The following ERC2 variants were observed in gnomAD, a reference collection of about 807,000 sequenced individuals.
ERC2 encodes the protein ELKS/RAB6-interacting/CAST family member 2, also known as ERC protein 2.
In ERC2, 42 loss-of-function variants were observed where a neutral mutation model predicts 114.8. The observed-to-expected ratio is 0.37, with a 90% CI of 0.29 to 0.47. The LOEUF (loss-of-function observed/expected upper bound fraction) is 0.47. Ranked by LOEUF, ERC2 falls within the 20% of genes least tolerant of loss-of-function variation. ERC2 has a pLI of 0.99. For synonymous variants in ERC2, 454 were observed against 425.5 expected, an observed-to-expected ratio of 1.07 and a Z score of -0.82; for missense variants, 939 against 1,150.7, an observed-to-expected ratio of 0.82 and a Z score of 2.66.
At chr3:55,592,463 C>T (rs1423537785) in intron 17 of ERC2, among the ~76,000 whole-genome samples, 1 of 152,082 alleles carries the variant, frequency 6.6e-6, no homozygotes, top group Non-Finnish European at 1.5e-5. Flanking sequence ...ATCGATTTCT[C>T]CATGCTGGTA....
At chr3:55,843,722 G>T (rs2061233850) in intron 14 of ERC2, among the ~76,000 whole-genome samples, 1 of 152,158 alleles carries the variant, frequency 6.6e-6, no homozygotes, top group Non-Finnish European at 1.5e-5. Flanking sequence ...TAATCCCACT[G>T]CAAAAATGTG....
intron 2 of ERC2, among the ~76,000 whole-genome samples, chr3:56,303,794 C>G (rs2056053427): frequency 6.6e-6 from 1 of 152,154 alleles, no homozygotes; most frequent in Non-Finnish European, 1.5e-5. Context: ...TCCTAAGTGC[C>G]CCCTGGCGCC....
At chr3:56,440,715 T>C (rs1330497509) in intron 1 of ERC2, among the ~76,000 whole-genome samples, 1 of 152,184 alleles carries the variant, frequency 6.6e-6, no homozygotes, top group African/African-American at 2.4e-5. Context: ...TGTGTGTGTG[T>C]GCAGTTTTAG....
chr3:56,452,065 T>C (rs1470180783), intron 1 of ERC2, among the ~76,000 whole-genome samples: 2 of 152,210 alleles, frequency 1.3e-5, no homozygotes, highest in African/African-American at 2.4e-5. Flanking sequence ...TTAAAGAATC[T>C]GCAAATCTCA....
Position 55,598,493 on chromosome 3 carries a change from C to T in ERC2, c.*39+85301G>A, listed in dbSNP as rs149773707. 1.5e-3 allele frequency among the ~76,000 whole-genome samples: 236 copies of T among 152,316 alleles called. 1 individual carries two copies. The highest frequency in any genetic ancestry group is 3.4e-3 in the Middle Eastern group (1 of 294). On this transcript the variant is annotated intron_variant, in intron 17 of 17. Coordinates refer to ENST00000288221, the MANE Select transcript of ERC2 (RefSeq NM_015576.3). ...CTCCATTAAAGCACTGAACATAGTA[C>T]ATGTGTCCCAATGAGCTCGATAAAT...
intron 14 of ERC2, among the ~76,000 whole-genome samples, chr3:55,761,756 G>T (rs952528418): frequency 3.3e-5 from 5 of 151,524 alleles, no homozygotes; most frequent in Admixed American, 2.6e-4. Flanking sequence ...GGCGCCTGTA[G>T]TCCCAGCTAC....
chr3:56,050,733 T>C (rs1469598119), intron 7 of ERC2, among the ~76,000 whole-genome samples: 2 of 152,200 alleles, frequency 1.3e-5, no homozygotes, highest in African/African-American at 4.8e-5. Flanking sequence ...GGTTATTAAC[T>C]CTGGAATCTT....
At chr3:56,310,948 G>A (rs769594014) in intron 2 of ERC2, among the ~76,000 whole-genome samples, 12 of 151,826 alleles carry the variant, frequency 7.9e-5, no homozygotes, top group Non-Finnish European at 1.8e-4. Context: ...GTTAGGGAAG[G>A]AAAGCACTCT....
chr3:56,212,476 T>C (rs956800378), intron 3 of ERC2, among the ~76,000 whole-genome samples: 1 of 152,112 alleles, frequency 6.6e-6, no homozygotes, highest in Non-Finnish European at 1.5e-5. Flanking sequence ...GTGGACGTGG[T>C]AAAAAAGGAA....
intron 1 of ERC2, among the ~76,000 whole-genome samples, chr3:56,437,233 T>C (rs1283535557): frequency 6.6e-6 from 1 of 152,202 alleles, no homozygotes; most frequent in African/African-American, 2.4e-5. Flanking sequence ...AAATATAAAA[T>C]AGAACCAAGT....
chr3:56,063,085 A>C (rs1450500872), intron 7 of ERC2, among the ~76,000 whole-genome samples: 1 of 152,226 alleles, frequency 6.6e-6, no homozygotes. Context: ...GTTTCAATGC[A>C]TTATGCTAAG....
intron 17 of ERC2, among the ~76,000 whole-genome samples, chr3:55,673,758 A>G (rs1461510813): frequency 6.6e-6 from 1 of 151,896 alleles, no homozygotes; most frequent in Non-Finnish European, 1.5e-5. Context: ...TCCGTTTACA[A>G]TCCAGTGCCG....
chr3:56,285,198 A>G (rs2054616191), intron 3 of ERC2, among the ~76,000 whole-genome samples: 1 of 148,846 alleles, frequency 6.7e-6, no homozygotes, highest in African/African-American at 2.5e-5. Flanking sequence ...GTCCTTCCTC[A>G]ATAAAACCAA....
intron 6 of ERC2, among the ~76,000 whole-genome samples, chr3:56,127,149 A>G (rs1205605649): frequency 1.3e-5 from 2 of 152,208 alleles, no homozygotes; most frequent in Non-Finnish European, 2.9e-5. Context: ...AAAAATATAA[A>G]ACATTGCTGA....
chr3:55,831,399 GAGGGGAGGGA>G (rs2060573181), intron 14 of ERC2, among the ~76,000 whole-genome samples: 1 of 82,618 alleles, frequency 1.2e-5, no homozygotes, highest in Non-Finnish European at 2.4e-5. Context: ...AAGGGGAGGG[GAGGGGAGGGA>G]AGGGGAGGGG....
intron 13 of ERC2, among the ~76,000 whole-genome samples, chr3:55,947,030 G>A (rs1456810488): frequency 6.6e-6 from 1 of 152,136 alleles, no homozygotes. Context: ...CAAGCCAATG[G>A]GCAACTCATG....
chr3:56,125,987 T>C (rs1380608603), intron 6 of ERC2, among the ~76,000 whole-genome samples: 1 of 152,172 alleles, frequency 6.6e-6, no homozygotes, highest in Non-Finnish European at 1.5e-5. Flanking sequence ...GTTGAGAAAA[T>C]AATGTAATGA....
At chr3:56,258,822 C>G (rs2052707045) in intron 3 of ERC2, among the ~76,000 whole-genome samples, 1 of 152,144 alleles carries the variant, frequency 6.6e-6, no homozygotes, top group Non-Finnish European at 1.5e-5. Context: ...GAGAGTGCCC[C>G]AAACTCCACT....
Position 56,313,001 on chromosome 3 carries a change from C to CATATATATATATATATATAT in ERC2, c.658-16586_658-16567dup, listed in dbSNP as rs3055903. 7.3e-4 allele frequency among the ~76,000 whole-genome samples: 32 copies of CATATATATATATATATATAT among 43,878 alleles called. 3 individuals carry two copies. Among genetic ancestry groups the CATATATATATATATATATAT allele is most frequent in the Admixed American group, 1.4e-3 (4 of 2,884 alleles). 28.8% of individuals were successfully genotyped at this position (43,878 alleles called of 152,430 possible). A position where few individuals can be genotyped will look rare whatever the true frequency, so the allele number is the denominator to read the frequency against. ...TTAATATTTAGTGAATATGTATATTCATATATATATATATATATATATATA... is the reference window on the plus strand; with the variant it reads ...TTAATATTTAGTGAATATGTATATTCATATATATATATATATATATATATATATATATATATATATATATA... On this transcript the variant is annotated intron_variant, in intron 2 of 17. Transcript: ENST00000288221.
Sources: gnomAD v4.1 joint callset for allele counts (sites outside exome capture counted in the v4.1 genomes callset) on GRCh38, gnomAD v4.1.1 for gene constraint, MANE v1.5 for transcripts, NCBI Gene and HGNC (gene_info 2026-07-23, HGNC 2026-07-21) for gene names.